Variants in KCNH1 observed in about 807,000 individuals in gnomAD.
KCNH1 encodes the protein potassium voltage-gated channel subfamily H member 1, also known as voltage-gated delayed rectifier potassium channel KCNH1.
In KCNH1, 27 loss-of-function variants were observed where a neutral mutation model predicts 69.2. The ratio of observed to expected loss-of-function variants is 0.39; its 90% CI spans 0.29 to 0.54. The LOEUF (loss-of-function observed/expected upper bound fraction) is 0.54. Ranked by LOEUF, KCNH1 falls within the 20% of genes least tolerant of loss-of-function variation. KCNH1 has a pLI of 0.68. For missense variants in KCNH1, 798 were observed against 1,261.6 expected, an observed-to-expected ratio of 0.63 and a Z score of 5.57; for synonymous variants, 456 against 487.7, an observed-to-expected ratio of 0.93 and a Z score of 0.86.
Position 210,694,188 on chromosome 1 carries a change from GCC to G in KCNH1, c.2113-10052_2113-10051del, listed in dbSNP as rs569916109. On this transcript the variant is annotated intron_variant, in intron 10 of 10. Transcript: ENST00000271751. ...CTAGAACCCCTAGAATGAAGACCATGCCGGTAAAGACAGGGGAAATAGGGTAA... is the reference window on the plus strand; with the variant it reads ...CTAGAACCCCTAGAATGAAGACCATGGGTAAAGACAGGGGAAATAGGGTAA... Among the ~76,000 whole-genome samples the G allele has an allele frequency of 5.2e-3, 796 of 152,222 alleles. 2 individuals carry two copies. Among genetic ancestry groups the G allele is most frequent in the African/African-American group, 0.018 (766 of 41,522 alleles).
At chr1:210,710,304 TG>T (rs201086452) in intron 10 of KCNH1, among the ~76,000 whole-genome samples, 1,860 of 152,052 alleles carry the variant, frequency 0.012, 56 homozygotes, top group East Asian at 0.061. Flanking sequence ...GGTAAGTCAG[TG>T]GTAAGTGAAT....
intron 10 of KCNH1, among the ~76,000 whole-genome samples, chr1:210,715,400 C>T (rs552134823): frequency 6.6e-6 from 1 of 152,184 alleles, no homozygotes; most frequent in Non-Finnish European, 1.5e-5. Context: ...AGCACAGTGA[C>T]TCACACATGT....
intron 6 of KCNH1, among the ~76,000 whole-genome samples, chr1:210,934,622 G>C (rs533611040): frequency 1.9e-4 from 29 of 151,762 alleles, no homozygotes; most frequent in African/African-American, 5.8e-4. Context: ...CTGGGTGACA[G>C]AGCAAGACTC....
chr1:211,079,613 T>A (rs1343218315), intron 5 of KCNH1, among the ~76,000 whole-genome samples: 2 of 152,190 alleles, frequency 1.3e-5, no homozygotes, highest in Non-Finnish European at 2.9e-5. Context: ...AAAAAGTTTA[T>A]CCAGCATGAT....
intron 7 of KCNH1, among the ~76,000 whole-genome samples, chr1:210,853,953 A>AAAAAACAAAC (rs1553351793): frequency 7.1e-6 from 1 of 141,110 alleles, no homozygotes; most frequent in African/African-American, 2.7e-5. Flanking sequence ...AGCCAAAAAA[A>AAAAAACAAAC]AAAAAAAAAA....
intron 5 of KCNH1, among the ~76,000 whole-genome samples, chr1:211,063,932 A>C (rs1369124001): frequency 6.6e-6 from 1 of 152,234 alleles, no homozygotes; most frequent in African/African-American, 2.4e-5. Context: ...TTGTATCAAA[A>C]TATCACATGT....
At chr1:210,711,335 C>G (rs763204183) in intron 10 of KCNH1, among the ~76,000 whole-genome samples, 6 of 152,224 alleles carry the variant, frequency 3.9e-5, no homozygotes, top group Non-Finnish European at 7.3e-5. Flanking sequence ...GGCTGTTACT[C>G]TCTTCAGGGG....
intron 7 of KCNH1, among the ~76,000 whole-genome samples, chr1:210,830,269 A>G (rs1329419564): frequency 6.6e-6 from 1 of 152,146 alleles, no homozygotes; most frequent in Non-Finnish European, 1.5e-5. Flanking sequence ...ATCACCTCCC[A>G]TGAGAAGCTT....
intron 5 of KCNH1, among the ~76,000 whole-genome samples, chr1:211,061,281 C>G (rs907643436): frequency 1.3e-5 from 2 of 151,870 alleles, no homozygotes; most frequent in Non-Finnish European, 2.9e-5. Context: ...AAATAAACAC[C>G]TCAAGAAACT....
intron 7 of KCNH1, among the ~76,000 whole-genome samples, chr1:210,832,960 A>C (rs1574283885): frequency 6.8e-6 from 1 of 147,796 alleles, no homozygotes; most frequent in Non-Finnish European, 1.5e-5. Flanking sequence ...ATAACGTTAG[A>C]GATGCTTTAT....
chr1:210,840,401 A>T (rs1267439337), intron 7 of KCNH1, among the ~76,000 whole-genome samples: 1 of 152,230 alleles, frequency 6.6e-6, no homozygotes, highest in Non-Finnish European at 1.5e-5. Context: ...AGGCAAAAGA[A>T]AGAAAAAAGC....
intron 7 of KCNH1, among the ~76,000 whole-genome samples, chr1:210,819,999 G>C (rs764047312): frequency 6.6e-6 from 1 of 152,234 alleles, no homozygotes; most frequent in South Asian, 2.1e-4. Context: ...CAGCCAAATC[G>C]TGCCTTCAGA....
At chr1:211,080,115 CAA>C (rs1231072295) in intron 5 of KCNH1, among the ~76,000 whole-genome samples, 1 of 152,186 alleles carries the variant, frequency 6.6e-6, no homozygotes, top group African/African-American at 2.4e-5. Context: ...GCAACTTCAG[CAA>C]AGTCTCAGGA....
chr1:210,802,165 A>C (rs1234693654), intron 8 of KCNH1, among the ~76,000 whole-genome samples: 3 of 152,238 alleles, frequency 2.0e-5, no homozygotes, highest in Non-Finnish European at 4.4e-5. Flanking sequence ...ATGTTCAAGA[A>C]ATGGTAGCTG....
rs1558436824 is a variant in KCNH1, at chr1:210,716,448, AGC to A, written c.2113-32312_2113-32311del. Among the ~76,000 whole-genome samples the A allele has an allele frequency of 1.1e-3, 168 of 150,786 alleles. 1 individual carries two copies. The highest frequency in any genetic ancestry group is 3.8e-3 in the African/African-American group (154 of 40,512). The stretch of plus-strand genomic sequence containing the variant: ...CTCCGTCTCAAAAAAAAAAAAAAAA[AGC>A]ATGTTACACAACCATCTAGACTTTT... On this transcript the variant is annotated intron_variant, in intron 10 of 10. Transcript: ENST00000271751.
intron 7 of KCNH1, among the ~76,000 whole-genome samples, chr1:210,849,334 T>A (rs1309119214): frequency 6.6e-6 from 1 of 151,792 alleles, no homozygotes; most frequent in East Asian, 1.9e-4. Context: ...GCCATGAGCC[T>A]TTTTTTGCGT....
intron 4 of KCNH1, among the ~76,000 whole-genome samples, chr1:211,087,639 G>GCACACA (rs5780626): frequency 1.4e-5 from 2 of 140,580 alleles, no homozygotes; most frequent in South Asian, 2.3e-4. Flanking sequence ...ACACACACAC[G>GCACACA]CACACACACA....
At chr1:210,757,879 G>C (rs967093277) in intron 10 of KCNH1, among the ~76,000 whole-genome samples, 1 of 152,246 alleles carries the variant, frequency 6.6e-6, no homozygotes, top group Non-Finnish European at 1.5e-5. Context: ...CTTAGGCAGT[G>C]GCCAGAGGCC....
chr1:210,785,144 T>C (rs1684069560), intron 9 of KCNH1, among the ~76,000 whole-genome samples: 1 of 152,074 alleles, frequency 6.6e-6, no homozygotes, highest in South Asian at 2.1e-4. Flanking sequence ...CAGTAACAAA[T>C]ACCAAGATAT....
Sources: gnomAD v4.1 joint callset for allele counts (sites outside exome capture counted in the v4.1 genomes callset) on GRCh38, gnomAD v4.1.1 for gene constraint, MANE v1.5 for transcripts, NCBI Gene and HGNC (gene_info 2026-07-23, HGNC 2026-07-21) for gene names.